Variants in SCG3 observed in about 807,000 individuals in gnomAD.
SCG3 encodes secretogranin-3.
SCG3 carries 38 observed loss-of-function variants against 56.2 expected under a neutral mutation model. That is an observed-to-expected ratio of 0.68 (90% confidence interval 0.52 to 0.89). SCG3 has a LOEUF of 0.89. SCG3 is among the 40% of genes least tolerant of loss of function. SCG3 has a pLI of 0.00. For missense variants in SCG3, 524 were observed against 540.7 expected, an observed-to-expected ratio of 0.97 and a Z score of 0.31; for synonymous variants, 176 against 184.2, an observed-to-expected ratio of 0.96 and a Z score of 0.36.
intron 11 of SCG3, among the ~76,000 whole-genome samples, chr15:51,715,560 A>T (rs978064445): frequency 3.3e-5 from 5 of 152,080 alleles, no homozygotes; most frequent in African/African-American, 9.7e-5. Flanking sequence ...ATGTAGCCTT[A>T]AAAAAATATG....
intron 10 of SCG3, 124 bp from the exon 11 acceptor site, chr15:51,713,209 G>T: frequency 3.0e-6 from 2 of 662,804 alleles, no homozygotes; most frequent in Non-Finnish European, 5.3e-6. Flanking sequence ...TACCTAGTTA[G>T]GGAAACAACC....
intron 10 of SCG3, among the ~76,000 whole-genome samples, chr15:51,704,244 C>CATACATATATATATATATATATATAT (rs751546589): frequency 8.1e-5 from 6 of 73,628 alleles, no homozygotes; most frequent in Non-Finnish European, 1.3e-4. Flanking sequence ...TACATACATA[C>CATACATATATATATATATATATATAT]ATATATATAT....
chr15:51,706,685 T>C (rs140351757), intron 10 of SCG3, among the ~76,000 whole-genome samples: 5 of 151,978 alleles, frequency 3.3e-5, no homozygotes, highest in African/African-American at 7.2e-5. Context: ...TAAGTAATAA[T>C]AATAATAGTA....
chr15:51,702,831 T>G (rs867666688), intron 10 of SCG3, among the ~76,000 whole-genome samples: 71 of 152,354 alleles, frequency 4.7e-4, no homozygotes, highest in African/African-American at 1.7e-3. Flanking sequence ...TTTCTGTCAT[T>G]ATGATATATT....
chr15:51,696,759 G>A (rs1172421908), intron 8 of SCG3, among the ~76,000 whole-genome samples: 3 of 152,058 alleles, frequency 2.0e-5, no homozygotes, highest in Non-Finnish European at 4.4e-5. Flanking sequence ...TAAACAATCA[G>A]ATCTCGTGAG....
chr15:51,711,124 C>G (rs1479695214), intron 10 of SCG3, among the ~76,000 whole-genome samples: 1 of 152,206 alleles, frequency 6.6e-6, no homozygotes, highest in Non-Finnish European at 1.5e-5. Context: ...AACAGTAGAA[C>G]ATGCCTAAGG....
intron 10 of SCG3, among the ~76,000 whole-genome samples, chr15:51,710,923 T>C (rs2055416810): frequency 6.6e-6 from 1 of 152,020 alleles, no homozygotes; most frequent in African/African-American, 2.4e-5. Context: ...TTGTCTTATG[T>C]TGAGTTCCCT....
At chr15:51,683,516 CT>C in intron 4 of SCG3, 82 bp downstream of exon 4, 2 of 873,294 alleles carry the variant, frequency 2.3e-6, no homozygotes, top group South Asian at 1.8e-5. Context: ...TTAAAAATAT[CT>C]TTTAAACATT....
intron 9 of SCG3, among the ~76,000 whole-genome samples, chr15:51,699,923 C>T (rs2055328796): frequency 6.6e-6 from 1 of 152,102 alleles, no homozygotes; most frequent in Non-Finnish European, 1.5e-5. Context: ...CCATCAAACC[C>T]CAGGGAACTG....
rs1460351674 is a variant in SCG3, at chr15:51,717,528, G to GT, written c.1289-1879dup. Among the ~76,000 whole-genome samples, 5 of 100,716 alleles carry GT rather than the reference G, an allele frequency of 5.0e-5. No individual in the cohort carries two copies. In the East Asian group the frequency reaches 1.3e-3, roughly 26 times the overall value. The allele number at this position is 100,716 out of a possible 152,430, so 66.1% of individuals were successfully genotyped here. On this transcript the variant is annotated intron_variant, in intron 11 of 11. Coordinates refer to ENST00000220478, the MANE Select transcript of SCG3 (RefSeq NM_013243.4). ...AGCCTGGGTAAAACAGTGAGACCCT[G>GT]TCAAAAAAAAAGAAAAAAAGAAAAA...
chr15:51,710,436 A>G (rs2055413421), intron 10 of SCG3, among the ~76,000 whole-genome samples: 2 of 152,238 alleles, frequency 1.3e-5, no homozygotes. Flanking sequence ...TTTAAGCTAT[A>G]GTAAACTCAT....
rs746252410 is a variant in SCG3 at position 51,692,131 on chromosome 15, A to G, written c.691-28A>G. The G allele has an allele frequency of 5.1e-6, 8 of 1,572,964 alleles. No individual in the cohort carries two copies. In the African/African-American group the frequency reaches 1.1e-4, roughly 22 times the overall value. On this transcript the variant is annotated intron_variant, in intron 6 of 11. Transcript: ENST00000220478. ...TTTCACTAGTTCTAACAAAATGTTC[A>G]TTTTTTATTGATTTTTCCCCACTGG...
Position 51,689,251 on chromosome 15 carries a change from T to C in SCG3, c.573T>C (p.Asp191=), listed in dbSNP as rs1321905407. The C allele has an allele frequency of 1.9e-6, 3 of 1,613,826 alleles. No homozygotes were observed. Among genetic ancestry groups the C allele is most frequent in the East Asian group, 2.2e-5 (1 of 44,882 alleles). The change falls in exon 6 of 12, where the codon GAT becomes GAC. Residue 191 remains aspartate, a synonymous_variant. Coordinates refer to ENST00000220478, the MANE Select transcript of SCG3 (RefSeq NM_013243.4). ...ITESQAHTLE[D]EVAEVLQKLI... ...AAAGCCAAGCACATACACTGGAAGA[T>C]GAAGTAGCAGAGGTTTTACAAAAAT...
At chr15:51,713,285 G>A (rs1171468737) in intron 10 of SCG3, 48 bp from the exon 11 acceptor site, 2 of 1,211,204 alleles carry the variant, frequency 1.7e-6, no homozygotes, top group Middle Eastern at 2.0e-4. Flanking sequence ...AAAATGAGAT[G>A]TAGTGATATT....
At chr15:51,706,592 C>T (rs549412640) in intron 10 of SCG3, among the ~76,000 whole-genome samples, 70 of 152,170 alleles carry the variant, frequency 4.6e-4, no homozygotes, top group African/African-American at 1.6e-3. Context: ...TTTGGCCTTG[C>T]GGTGTGTGAG....
At chr15:51,708,971 T>C (rs1175740709) in intron 10 of SCG3, among the ~76,000 whole-genome samples, 3 of 152,172 alleles carry the variant, frequency 2.0e-5, no homozygotes, top group Non-Finnish European at 4.4e-5. Flanking sequence ...AAAGGCTCCA[T>C]ATTTATTTTG....
intron 7 of SCG3, among the ~76,000 whole-genome samples, chr15:51,692,594 A>C (rs1460477818): frequency 6.6e-6 from 1 of 152,228 alleles, no homozygotes; most frequent in African/African-American, 2.4e-5. Context: ...TCAGCAAACA[A>C]ATACTGAACG....
intron 4 of SCG3, among the ~76,000 whole-genome samples, chr15:51,684,287 G>C (rs2055214359): frequency 6.6e-6 from 1 of 152,154 alleles, no homozygotes; most frequent in Admixed American, 6.6e-5. Flanking sequence ...AAAATCTACA[G>C]TTCTCCCAGC....
chr15:51,704,240 CATACATATATAT>C (rs1451903507), intron 10 of SCG3, among the ~76,000 whole-genome samples: 85 of 58,802 alleles, frequency 1.4e-3, no homozygotes, highest in African/African-American at 5.5e-3. Context: ...TACATACATA[CATACATATATAT>C]ATATATATAT....
Sources: allele counts gnomAD v4.1 joint callset (sites outside exome capture counted in the v4.1 genomes callset), GRCh38; gene constraint gnomAD v4.1.1; transcripts MANE v1.5; gene names NCBI Gene and HGNC (gene_info 2026-07-23, HGNC 2026-07-21).